Variants in ANKRD33B observed in about 807,000 individuals in gnomAD.
The protein encoded by ANKRD33B is ankyrin repeat domain-containing protein 33B.
In ANKRD33B, 6 loss-of-function variants were observed where a neutral mutation model predicts 21.5. That is an observed-to-expected ratio of 0.28 (90% confidence interval 0.15 to 0.55). The LOEUF is 0.55. ANKRD33B is among the 20% of genes least tolerant of loss of function. The pLI is 0.94. For missense variants in ANKRD33B, 698 were observed against 747.2 expected (o/e 0.93, Z 0.77); for synonymous variants, 347 against 342.4 (o/e 1.01, Z -0.15).
intron 3 of ANKRD33B, among the ~76,000 whole-genome samples, chr5:10,646,361 A>G (rs1304687798): frequency 2.0e-5 from 3 of 152,344 alleles, no homozygotes; most frequent in South Asian, 4.1e-4. Context: ...CTTATCTTTT[A>G]TAATTTAATT....
intron 1 of ANKRD33B, among the ~76,000 whole-genome samples, chr5:10,570,012 G>A (rs945052777): frequency 4.6e-5 from 7 of 152,352 alleles, no homozygotes; most frequent in South Asian, 2.1e-4. Flanking sequence ...GAGTAGCTGG[G>A]ATTACAGGCA....
chr5:10,649,231 G>A (rs1737261466), intron 3 of ANKRD33B, 35 bp from the exon 4 acceptor site: 2 of 1,490,958 alleles, frequency 1.3e-6, no homozygotes, highest in Non-Finnish European at 1.8e-6. Context: ...CCTTGTTGCC[G>A]CCACCCACTT....
chr5:10,610,742 A>T (rs915229591), intron 1 of ANKRD33B, among the ~76,000 whole-genome samples: 1 of 152,236 alleles, frequency 6.6e-6, no homozygotes, highest in African/African-American at 2.4e-5. Flanking sequence ...ATAGGAAATA[A>T]TGCTCCCTAT....
intron 1 of ANKRD33B, among the ~76,000 whole-genome samples, chr5:10,604,486 C>T (rs1434764247): frequency 1.3e-5 from 2 of 149,252 alleles, no homozygotes; most frequent in African/African-American, 5.0e-5. Flanking sequence ...AGCCACTGTG[C>T]CTGACCAAAA....
At chr5:10,569,684 G>T (rs1735133582) in intron 1 of ANKRD33B, among the ~76,000 whole-genome samples, 2 of 152,272 alleles carry the variant, frequency 1.3e-5, no homozygotes, top group South Asian at 2.1e-4. Context: ...TGAGAAAGCG[G>T]GTGAGGAGGG....
chr5:10,626,393 G>C (rs1736545676), intron 2 of ANKRD33B, among the ~76,000 whole-genome samples: 1 of 152,230 alleles, frequency 6.6e-6, no homozygotes, highest in South Asian at 2.1e-4. Context: ...GTCCAAGAGT[G>C]TTCTTGCAAG....
intron 2 of ANKRD33B, among the ~76,000 whole-genome samples, chr5:10,624,290 C>T (rs927703446): frequency 1.3e-5 from 2 of 152,026 alleles, no homozygotes; most frequent in African/African-American, 4.8e-5. Flanking sequence ...TCACCGTGCC[C>T]AGCTACTTCT....
At chr5:10,574,577 T>G (rs1337622309) in intron 1 of ANKRD33B, among the ~76,000 whole-genome samples, 1 of 151,988 alleles carries the variant, frequency 6.6e-6, no homozygotes, top group Non-Finnish European at 1.5e-5. Flanking sequence ...AAAGAAATAA[T>G]CAAATGAAAA....
chr5:10,642,718 A>G (rs1483376217), intron 3 of ANKRD33B, among the ~76,000 whole-genome samples: 23 of 152,180 alleles, frequency 1.5e-4, no homozygotes, highest in Non-Finnish European at 1.3e-4. Flanking sequence ...TGTTATTATT[A>G]TGATTATTGG....
Position 10,649,860 on chromosome 5 carries a change from G to A in ANKRD33B, c.1232G>A (p.Arg411His), listed in dbSNP as rs916313620. ...AAGGCCAGCCTCCTGCCCCTGCAGC[G>A]CCTGCGGCGGAGAAGCGTGCGGCCC... is the stretch of plus-strand genomic sequence containing the variant. ...PRKASLLPLQ[R>H]LRRRSVRPGV... The change falls in exon 4 of 4, where the codon CGC (arginine) becomes CAC (histidine). Residue 411 changes from arginine to histidine, a missense_variant. Arg to His is a conservative substitution (Grantham distance 29). Around this residue, in one of 3 missense-constraint regions of ANKRD33B, gnomAD observed 543 missense variants for 566.5 expected, o/e 0.96. Coordinates refer to ENST00000296657, the MANE Select transcript of ANKRD33B (RefSeq NM_001164440.2). 1.4e-6 allele frequency: 2 copies of A among 1,430,892 alleles called. No homozygotes were observed. Among genetic ancestry groups the A allele is most frequent in the Non-Finnish European group, 1.8e-6 (2 of 1,097,952 alleles). The allele number at this position is 1,430,892 out of a possible 1,614,324, so 88.6% of individuals were successfully genotyped here. A position where few individuals can be genotyped will look rare whatever the true frequency, so the allele number is the denominator to read the frequency against.
chr5:10,604,317 G>A (rs529946217), intron 1 of ANKRD33B, among the ~76,000 whole-genome samples: 13 of 145,746 alleles, frequency 8.9e-5, no homozygotes, highest in South Asian at 2.3e-4. Flanking sequence ...TCAGCCTCCC[G>A]AGTAGCTGGG....
Position 10,619,938 on chromosome 5 carries a change from A to T in ANKRD33B, c.496+1476A>T, listed in dbSNP as rs1351040862. 1.3e-5 allele frequency among the ~76,000 whole-genome samples: 2 copies of T among 152,088 alleles called. No homozygotes were observed. Among genetic ancestry groups the T allele is most frequent in the African/African-American group, 4.8e-5 (2 of 41,408 alleles). On this transcript the variant is annotated intron_variant, in intron 2 of 3. Coordinates refer to ENST00000296657, the MANE Select transcript of ANKRD33B (RefSeq NM_001164440.2). This position sits in a 1 kb window ranked among gnomAD's most constrained non-coding sequence, Gnocchi z 4.5. ...CCTGAAGTTCATGATAAGGTCTTGC[A>T]AGAAGGGGATTTGAGCTGGGGCTGA...
At chr5:10,565,499 G>A (rs1445286137) in intron 1 of ANKRD33B, among the ~76,000 whole-genome samples, 1 of 152,248 alleles carries the variant, frequency 6.6e-6, no homozygotes, top group African/African-American at 2.4e-5. Flanking sequence ...TGCCAGCCGG[G>A]GCTCCCCAGA....
intron 2 of ANKRD33B, among the ~76,000 whole-genome samples, chr5:10,637,679 C>A (rs1455979445): frequency 6.6e-6 from 1 of 152,050 alleles, no homozygotes; most frequent in African/African-American, 2.4e-5. Context: ...TTGAGGCTTC[C>A]TGCCCTCATT....
intron 2 of ANKRD33B, chr5:10,627,336 C>T (rs944037485): frequency 3.3e-5 from 5 of 152,236 alleles, no homozygotes; most frequent in African/African-American, 7.2e-5. Flanking sequence ...AGTGAGGAAA[C>T]GCCAGGGGTC....
At chr5:10,565,713 A>G (rs1478215674) in intron 1 of ANKRD33B, among the ~76,000 whole-genome samples, 1 of 152,286 alleles carries the variant, frequency 6.6e-6, no homozygotes, top group Non-Finnish European at 1.5e-5. Flanking sequence ...CCTTCCACCA[A>G]GCAAAGCACT....
intron 1 of ANKRD33B, among the ~76,000 whole-genome samples, chr5:10,589,228 C>T (rs1579719481): frequency 6.6e-6 from 1 of 152,138 alleles, no homozygotes; most frequent in Middle Eastern, 3.4e-3. Flanking sequence ...CTCCGTTTCT[C>T]GTTCCCCACC....
In ANKRD33B at chr5:10,649,785, G is replaced by A; in HGVS notation, c.1157G>A (p.Gly386Asp). Residue 386 changes from glycine to aspartate, a missense_variant, in exon 4 of 4, where the codon GGC (glycine) becomes GAC (aspartate). Physicochemically the swap from Gly to Asp is moderately conservative, Grantham distance 94 (BLOSUM62 -1). Coordinates refer to ENST00000296657, the MANE Select transcript of ANKRD33B (RefSeq NM_001164440.2). ...TCCCGGGAGGGCTCCCCGAGAGCCGGCCTCCCTCCCGCCCTGGGGTCCCGG... is the reference window on the plus strand; with the variant it reads ...TCCCGGGAGGGCTCCCCGAGAGCCGACCTCCCTCCCGCCCTGGGGTCCCGG... ...ADSREGSPRAGLPPALGSRGP... is the reference protein window; with the variant it reads ...ADSREGSPRADLPPALGSRGP... The A allele has an allele frequency of 2.9e-6, 4 of 1,400,822 alleles. No homozygotes were observed. The South Asian group carries it at 4.6e-5, about 16-fold the overall frequency. 86.8% of individuals were successfully genotyped at this position (1,400,822 alleles called of 1,614,324 possible). A position where few individuals can be genotyped will look rare whatever the true frequency, so the allele number is the denominator to read the frequency against.
intron 3 of ANKRD33B, among the ~76,000 whole-genome samples, chr5:10,645,942 G>A (rs552879555): frequency 1.1e-4 from 17 of 152,296 alleles, no homozygotes; most frequent in East Asian, 3.9e-4. Context: ...CAGAACTGGC[G>A]GACTGCTACT....
Sources: gnomAD v4.1 joint callset for allele counts (sites outside exome capture counted in the v4.1 genomes callset) on GRCh38, gnomAD v4.1.1 for gene constraint, gnomAD v4.1.1 regional missense constraint, Gnocchi (gnomAD v3.1) non-coding constraint, MANE v1.5 for transcripts, NCBI Gene and HGNC (gene_info 2026-07-23, HGNC 2026-07-21) for gene names.